Variants in SPEN observed in about 807,000 individuals in gnomAD.
SPEN encodes the protein spen family transcriptional repressor.
In SPEN, 18 loss-of-function variants were observed where a neutral mutation model predicts 269.9. The observed-to-expected ratio is 0.07, with a 90% CI of 0.05 to 0.10. The LOEUF (loss-of-function observed/expected upper bound fraction) is 0.10, where lower values mean the gene tolerates loss of function less well. SPEN is among the 10% of genes least tolerant of loss of function. The pLI is 1.00. For synonymous variants in SPEN, 1,726 were observed against 1,765.7 expected, an observed-to-expected ratio of 0.98 and a Z score of 0.56; for missense variants, 3,822 against 4,631.2, an observed-to-expected ratio of 0.83 and a Z score of 5.07.
rs2070294760 is a variant in SPEN, at chr1:15,848,282, C to A, written c.83+132C>A. ...GCCCGGACCCACGGGCGCTGTGGGA[C>A]CTCGTCAGCCGCTCGGCCCGCGTCG... is the stretch of plus-strand genomic sequence containing the variant. On this transcript the variant is annotated intron_variant, in intron 1 of 14. Transcript: ENST00000375759. The surrounding 1 kb of genome is among the most constrained non-coding windows in gnomAD (Gnocchi z 5.1). The A allele has an allele frequency of 2.1e-6, 1 of 473,202 alleles. No individual in the cohort carries two copies. Among genetic ancestry groups the A allele is most frequent in the Non-Finnish European group, 3.4e-6 (1 of 296,252 alleles). 29.3% of individuals were successfully genotyped at this position (473,202 alleles called of 1,614,324 possible). A position where few individuals can be genotyped will look rare whatever the true frequency, so the allele number is the denominator to read the frequency against.
At chr1:15,911,871 G>C (rs1017179559) in intron 5 of SPEN, among the ~76,000 whole-genome samples, 2 of 152,246 alleles carry the variant, frequency 1.3e-5, no homozygotes, top group Non-Finnish European at 2.9e-5. Flanking sequence ...TGAGGCGGGA[G>C]AATCGTGTGA....
At chr1:15,919,185 C>T in intron 7 of SPEN, 134 bp downstream of exon 7, 6 of 795,878 alleles carry the variant, frequency 7.5e-6, no homozygotes, top group Non-Finnish European at 1.2e-5. Flanking sequence ...TGATATACTT[C>T]TTTGCATTCC....
intron 9 of SPEN, 39 bp downstream of exon 9, chr1:15,921,022 C>G (rs755578709): frequency 5.2e-6 from 7 of 1,341,320 alleles, no homozygotes; most frequent in Non-Finnish European, 7.4e-6. Context: ...AAACAAAGTC[C>G]TATTCAAATC....
rs548473432 is a variant in SPEN, at chr1:15,862,258, A to T, written c.84-10558A>T. 4.6e-5 allele frequency among the ~76,000 whole-genome samples: 7 copies of T among 152,228 alleles called. No individual in the cohort carries two copies. In the East Asian group the frequency reaches 1.4e-3, roughly 29 times the overall value. ...TTGTTTACTGTCATTACTTTAATAA[A>T]TGTTTTATTTTGGTTATTAGCAGTT... is the stretch of plus-strand genomic sequence containing the variant. On this transcript the variant is annotated intron_variant, in intron 1 of 14. Coordinates refer to ENST00000375759, the MANE Select transcript of SPEN (RefSeq NM_015001.3).
Position 15,934,197 on chromosome 1 carries a change from G to A in SPEN, c.7957G>A (p.Ala2653Thr), listed in dbSNP as rs201348264. 233 of 1,614,072 alleles carry A rather than the reference G, an allele frequency of 1.4e-4. 1 individual carries two copies. Among genetic ancestry groups the A allele is most frequent in the Non-Finnish European group, 1.8e-4 (213 of 1,180,038 alleles). ...TCAAACCCTCACTGGTCTGGTGAGCGCACTCACTGGCCTGGTGAACGTCTC... is the reference window on the plus strand; with the variant it reads ...TCAAACCCTCACTGGTCTGGTGAGCACACTCACTGGCCTGGTGAACGTCTC... ...APQTLTGLVS[A>T]LTGLVNVSLV... Residue 2653 changes from alanine to threonine, a missense_variant, in exon 11 of 15, where the codon GCA becomes ACA. Around this residue, in one of 16 missense-constraint regions of SPEN, gnomAD observed 329 missense variants for 431.2 expected, o/e 0.76. Coordinates refer to ENST00000375759, the MANE Select transcript of SPEN (RefSeq NM_015001.3). This position sits in a 1 kb window ranked among gnomAD's most constrained non-coding sequence, Gnocchi z 9.2.
At chr1:15,926,297 T>G (rs1259506629) in intron 10 of SPEN, among the ~76,000 whole-genome samples, 1 of 151,414 alleles carries the variant, frequency 6.6e-6, no homozygotes, top group East Asian at 1.9e-4. Context: ...CTTGTGGTGG[T>G]GGTGAGGTAG....
chr1:15,895,297 C>A (rs2070831234), intron 3 of SPEN, among the ~76,000 whole-genome samples: 1 of 152,164 alleles, frequency 6.6e-6, no homozygotes. Flanking sequence ...CACCACTATC[C>A]ATTATCATTA....
intron 5 of SPEN, 82 bp downstream of exon 5, chr1:15,911,383 C>T (rs2071010869): frequency 9.2e-7 from 1 of 1,089,702 alleles, no homozygotes; most frequent in Non-Finnish European, 1.4e-6. Flanking sequence ...AGCATATGAT[C>T]CTGAATGAGG....
At chr1:15,859,336 TTTTCTGTTTTCTTTTTCTTTTC>T (rs2070418237) in intron 1 of SPEN, among the ~76,000 whole-genome samples, 1 of 149,706 alleles carries the variant, frequency 6.7e-6, no homozygotes, top group Non-Finnish European at 1.5e-5. Context: ...TTCATTTTCT[TTTTCTGTTTTCTTTTTCTTTTC>T]TTTTTTTTTT....
In SPEN at chr1:15,923,913, C is replaced by T. The variant is rs1323510411; in HGVS notation, c.1850+1564C>T. Among the ~76,000 whole-genome samples, 7 of 152,150 alleles carry T rather than the reference C, an allele frequency of 4.6e-5. No individual in the cohort carries two copies. In the East Asian group the frequency reaches 1.2e-3, roughly 25 times the overall value. Reference sequence around the variant, plus strand: ...TTGAACTCCTGACCTCGTGATCCGCCCGCCTTGGCCTCTCAAAGTGCTGGG... The same window carrying T: ...TTGAACTCCTGACCTCGTGATCCGCTCGCCTTGGCCTCTCAAAGTGCTGGG... On this transcript the variant is annotated intron_variant, in intron 10 of 14. Transcript: ENST00000375759.
chr1:15,911,765 A>C (rs200407653), intron 5 of SPEN, among the ~76,000 whole-genome samples: 1 of 152,148 alleles, frequency 6.6e-6, no homozygotes, highest in East Asian at 1.9e-4. Flanking sequence ...GTTCAAGACC[A>C]GCCTGGCCAA....
At chr1:15,889,664 A>G (rs981469208) in intron 3 of SPEN, among the ~76,000 whole-genome samples, 1 of 152,096 alleles carries the variant, frequency 6.6e-6, no homozygotes, top group East Asian at 1.9e-4. Flanking sequence ...GTTATATGCT[A>G]CTGGAGTTTA....
Position 15,934,619 on chromosome 1 carries a change from C to G in SPEN, c.8379C>G (p.Ile2793Met). 3 of 1,613,838 alleles carry G rather than the reference C, an allele frequency of 1.9e-6. No individual in the cohort carries two copies. The highest frequency in any genetic ancestry group is 2.5e-6 in the Non-Finnish European group (3 of 1,179,778). ...TCCACCCAGGGTCCATGCCTGTGAT[C>G]GACGATCGTCCGGCAGACGCGGGCT... Reference protein sequence around the residue: ...SRFHPGSMPVIDDRPADAGSG... With the variant: ...SRFHPGSMPVMDDRPADAGSG... Residue 2793 changes from isoleucine to methionine, a missense_variant, in exon 11 of 15, where the codon ATC becomes ATG. Physicochemically the swap from Ile to Met is conservative, Grantham distance 10. Coordinates refer to ENST00000375759, the MANE Select transcript of SPEN (RefSeq NM_015001.3). This position sits in a 1 kb window ranked among gnomAD's most constrained non-coding sequence, Gnocchi z 9.2.
chr1:15,873,877 C>T, intron 2 of SPEN: 1 of 1,092,634 alleles, frequency 9.2e-7, no homozygotes, highest in Non-Finnish European at 1.1e-6. Context: ...TTCCACTAGC[C>T]CAGGGAAAGA....
chr1:15,909,522 T>A, intron 4 of SPEN, 41 bp downstream of exon 4: 1 of 1,559,652 alleles, frequency 6.4e-7, no homozygotes, highest in Non-Finnish European at 8.8e-7. Flanking sequence ...GTGCTACTAC[T>A]GAGGAATGAG....
rs769454686 is a variant in SPEN at position 15,930,205 on chromosome 1, A to G, written c.3965A>G (p.Asp1322Gly). ...TCTAGCAGGAGAGAACAGATGGCAG[A>G]TATGGCCAAAATAAAACTATCTGTC... ...YDSSRREQMA[D>G]MAKIKLSVLN... Residue 1322 changes from aspartate to glycine, a missense_variant, in exon 11 of 15, where the codon GAT becomes GGT. By Grantham distance (94) the Asp-to-Gly change is moderately conservative. Coordinates refer to ENST00000375759, the MANE Select transcript of SPEN (RefSeq NM_015001.3). The surrounding 1 kb of genome is among the most constrained non-coding windows in gnomAD (Gnocchi z 5.3). 9 of 1,614,186 alleles carry G rather than the reference A, an allele frequency of 5.6e-6. No individual in the cohort carries two copies. The South Asian group carries it at 8.8e-5, about 16-fold the overall frequency.
intron 3 of SPEN, among the ~76,000 whole-genome samples, chr1:15,886,595 C>T (rs1013056092): frequency 4.6e-5 from 7 of 152,210 alleles, no homozygotes; most frequent in African/African-American, 7.2e-5. Flanking sequence ...GGTGAACGCC[C>T]GACTGCAAGC....
At chr1:15,868,871 A>T (rs1377562819) in intron 1 of SPEN, among the ~76,000 whole-genome samples, 1 of 152,174 alleles carries the variant, frequency 6.6e-6, no homozygotes, top group African/African-American at 2.4e-5. Context: ...ACATATTACA[A>T]ATTTTACTGT....
At chr1:15,919,565 C>T in intron 8 of SPEN, 48 bp downstream of exon 8, 1 of 1,156,264 alleles carries the variant, frequency 8.6e-7, no homozygotes, top group South Asian at 1.6e-5. Flanking sequence ...ACTCACTCGT[C>T]TTGGTATTCT....
Sources: gnomAD v4.1 joint callset for allele counts (sites outside exome capture counted in the v4.1 genomes callset) on GRCh38, gnomAD v4.1.1 for gene constraint, gnomAD v4.1.1 regional missense constraint, Gnocchi (gnomAD v3.1) non-coding constraint, MANE v1.5 for transcripts, NCBI Gene and HGNC (gene_info 2026-07-23, HGNC 2026-07-21) for gene names.